Variants in RMND5B observed in about 807,000 individuals in gnomAD.
The protein encoded by RMND5B is E3 ubiquitin-protein transferase RMND5B.
Under a neutral mutation model 50.4 loss-of-function variants are expected in RMND5B, and 42 were observed. The ratio of observed to expected loss-of-function variants is 0.83; its 90% confidence interval spans 0.65 to 1.08. The LOEUF (loss-of-function observed/expected upper bound fraction) is 1.08. Among genes scored for constraint, RMND5B ranks in the 50% least tolerant of loss-of-function variants. RMND5B has a pLI of 0.00. For synonymous variants in RMND5B, 220 were observed against 210.0 expected, an observed-to-expected ratio of 1.05 and a Z score of -0.41; for missense variants, 463 against 508.5, an observed-to-expected ratio of 0.91 and a Z score of 0.86.
intron 2 of RMND5B, among the ~76,000 whole-genome samples, chr5:178,132,972 C>T (rs1190573942): frequency 7.3e-5 from 11 of 151,714 alleles, no homozygotes; most frequent in Non-Finnish European, 1.6e-4. Context: ...TCAAGCAATT[C>T]TCCTGCCTCA....
rs570707782 is a variant in RMND5B at position 178,142,793 on chromosome 5, C to A, written c.286-59C>A. 1.5e-5 allele frequency: 25 copies of A among 1,614,064 alleles called. 1 individual carries two copies. The South Asian group carries it at 2.6e-4, about 17-fold the overall frequency. ...CCTGAAGCTGGGATGTACAAGGACT[C>A]GAAGGAGAGCCAGCAAGAGTGCCCG... On this transcript the variant is annotated intron_variant, in intron 4 of 10. Coordinates refer to ENST00000313386, the MANE Select transcript of RMND5B (RefSeq NM_022762.5).
chr5:178,131,336 G>C lies in RMND5B; in HGVS notation c.-53G>C, dbSNP rs1171939845. The C allele has an allele frequency of 6.6e-6, 1 of 152,198 alleles. No homozygotes were observed. The highest frequency in any genetic ancestry group is 1.5e-5 in the Non-Finnish European group (1 of 68,080). 9.4% of individuals were successfully genotyped at this position (152,198 alleles called of 1,614,324 possible). A position where few individuals can be genotyped will look rare whatever the true frequency, so the allele number is the denominator to read the frequency against. The stretch of plus-strand genomic sequence containing the variant: ...CGGGGGGAGTTGCTCGGACTCAAAC[G>C]TCCAGTCCTCGTGCGACCGCGCTGG... On this transcript the variant is annotated 5_prime_UTR_variant, in exon 2 of 11. Transcript: ENST00000313386.
chr5:178,139,316 G>A (rs995260427), intron 3 of RMND5B, among the ~76,000 whole-genome samples: 2 of 148,700 alleles, frequency 1.3e-5, no homozygotes, highest in African/African-American at 5.0e-5. Flanking sequence ...AGCAATTCTC[G>A]TGCCTCAGCT....
chr5:178,141,290 GGTCAGGA>G (rs1240589752), intron 3 of RMND5B: 1 of 152,080 alleles, frequency 6.6e-6, no homozygotes, highest in East Asian at 1.9e-4. Flanking sequence ...GATCACCTAA[GGTCAGGA>G]GTTCGAGACC....
rs1490274408 is a variant in RMND5B, at chr5:178,137,978, T to C, written c.-12-130T>C. ...CAAAACATAGGTACATATATACATA[T>C]ATGTACAAAACATATAACATTGATA... On this transcript the variant is annotated intron_variant, in intron 2 of 10. Transcript: ENST00000313386. This position sits in a 1 kb window ranked among gnomAD's most constrained non-coding sequence, Gnocchi z 4.4. 6 of 834,252 alleles carry C rather than the reference T, an allele frequency of 7.2e-6. No individual in the cohort carries two copies. In the Admixed American group the frequency reaches 1.2e-4, roughly 17 times the overall value. 51.7% of individuals were successfully genotyped at this position (834,252 alleles called of 1,614,324 possible).
At chr5:178,141,061 C>T (rs1380351847) in intron 3 of RMND5B, among the ~76,000 whole-genome samples, 3 of 152,188 alleles carry the variant, frequency 2.0e-5, no homozygotes, top group Admixed American at 6.5e-5. Flanking sequence ...TATCACTTCA[C>T]ACTCATATTC....
chr5:178,131,202 C>G (rs1055734472), intron 1 of RMND5B, 35 bp from the exon 2 acceptor site: 2 of 152,266 alleles, frequency 1.3e-5, no homozygotes, highest in East Asian at 2.0e-4. Context: ...GACTAAGCCC[C>G]GAACAATCTG....
At chr5:178,143,869 C>T (rs1197007871) in intron 6 of RMND5B, 73 bp from the exon 7 acceptor site, 1 of 1,561,926 alleles carries the variant, frequency 6.4e-7, no homozygotes, top group East Asian at 2.3e-5. Context: ...CTTTTGGGGC[C>T]CTCCTCTCAG....
rs1397139890 is a variant in RMND5B, at chr5:178,149,080, A to G, written c.*1048A>G. 1.3e-5 allele frequency: 2 copies of G among 152,504 alleles called. No homozygotes were observed. Among genetic ancestry groups the G allele is most frequent in the African/African-American group, 2.4e-5 (1 of 41,444 alleles). The allele number at this position is 152,504 out of a possible 1,614,324, so 9.4% of individuals were successfully genotyped here. ...TCGGGGGAATGCATTTTAGCTTCAT[A>G]TTCCTATTTAAAATGTGCTGTGTGG... On this transcript the variant is annotated 3_prime_UTR_variant, in exon 11 of 11. Coordinates refer to ENST00000313386, the MANE Select transcript of RMND5B (RefSeq NM_022762.5).
chr5:178,142,625 T>C lies in RMND5B; in HGVS notation c.182T>C (p.Met61Thr), dbSNP rs1759003286. Reference protein sequence around the residue: ...TPLSATLSLVMSQCCRKIKDT... With the variant: ...TPLSATLSLVTSQCCRKIKDT... ...CTCTCAGCCACCCTCTCTCTGGTGA[T>C]GTCACAGTGCTGCCGGAAGATCAAA... The change falls in exon 4 of 11, where the codon ATG becomes ACG. Residue 61 changes from methionine to threonine, a missense_variant. Coordinates refer to ENST00000313386, the MANE Select transcript of RMND5B (RefSeq NM_022762.5). 6.2e-7 allele frequency: 1 copy of C among 1,614,166 alleles called. No individual in the cohort carries two copies. The highest frequency in any genetic ancestry group is 1.3e-5 in the African/African-American group (1 of 75,066).
chr5:178,143,038 T>C lies in RMND5B; in HGVS notation c.426+46T>C, dbSNP rs781077809. On this transcript the variant is annotated intron_variant, in intron 5 of 10. Coordinates refer to ENST00000313386, the MANE Select transcript of RMND5B (RefSeq NM_022762.5). ...CGCAACAACCTGCCTGCTCTGCCTTTCACCTGCTAGTTTTCACTGTATGAA... is the reference window on the plus strand; with the variant it reads ...CGCAACAACCTGCCTGCTCTGCCTTCCACCTGCTAGTTTTCACTGTATGAA... The C allele has an allele frequency of 3.2e-6, 5 of 1,575,882 alleles. No homozygotes were observed. In the African/African-American group the frequency reaches 6.7e-5, roughly 21 times the overall value.
chr5:178,146,176 T>A lies in RMND5B; in HGVS notation c.757T>A (p.Cys253Ser). The change falls in exon 8 of 11, where the codon TGC (cysteine) becomes AGC (serine). Residue 253 changes from cysteine (C) to serine (S), a missense_variant. Cys to Ser is a moderately radical substitution (Grantham distance 112). Coordinates refer to ENST00000313386, the MANE Select transcript of RMND5B (RefSeq NM_022762.5). ...LRLGLEKSPYCHLLDSSHWAE... is the reference protein window; with the variant it reads ...LRLGLEKSPYSHLLDSSHWAE... ...GCTGGGCTTGGAGAAGTCACCCTAC[T>A]GCCACCTGCTGGACAGCAGCCACTG... 1 of 1,614,178 alleles carries A rather than the reference T, an allele frequency of 6.2e-7. No homozygotes were observed. The highest frequency in any genetic ancestry group is 1.1e-5 in the South Asian group (1 of 91,076).
At chr5:178,131,597 G>A (rs1211784810) in intron 2 of RMND5B, among the ~76,000 whole-genome samples, 3 of 151,402 alleles carry the variant, frequency 2.0e-5, no homozygotes, top group African/African-American at 7.3e-5. Context: ...AAATGGAGGA[G>A]GGCGATATGA....
At chr5:178,145,985 C>A in intron 7 of RMND5B, 129 bp from the exon 8 acceptor site, 2 of 879,888 alleles carry the variant, frequency 2.3e-6, no homozygotes, top group Non-Finnish European at 3.4e-6. Context: ...CATCCCTGCT[C>A]AGTCTCCTCA....
chr5:178,147,262 A>G lies in RMND5B; in HGVS notation c.861-271A>G, dbSNP rs538369975. 1.0e-5 allele frequency: 5 copies of G among 492,264 alleles called. No homozygotes were observed. In the East Asian group the frequency reaches 1.4e-4, roughly 14 times the overall value. The allele number at this position is 492,264 out of a possible 1,614,324, so 30.5% of individuals were successfully genotyped here. ...TCACACCAAGGACTTTTCAGTCATT[A>G]GGATGAGCAGATATCTGCCCCTAGA... On this transcript the variant is annotated intron_variant, in intron 8 of 10. Coordinates refer to ENST00000313386, the MANE Select transcript of RMND5B (RefSeq NM_022762.5).
rs1368726459 is a variant in RMND5B, at chr5:178,144,101, C to T, written c.687C>T (p.His229=). 1 of 1,613,106 alleles carries T rather than the reference C, an allele frequency of 6.2e-7. No homozygotes were observed. Among genetic ancestry groups the T allele is most frequent in the East Asian group, 2.2e-5 (1 of 44,870 alleles). The part of the protein sequence containing the change: ...ARHFQPFARL[H]QREIQVMMGS... ...ACTTCCAGCCCTTTGCTCGGCTGCA[C>T]CAGCGGGGTGAGTGCCCAGGCAGCT... The change falls in exon 7 of 11, where the codon CAC becomes CAT. Residue 229 remains histidine (H), a synonymous_variant. Transcript: ENST00000313386.
chr5:178,139,562 A>G lies in RMND5B; in HGVS notation c.139+1304A>G, dbSNP rs575997634. Among the ~76,000 whole-genome samples the G allele has an allele frequency of 5.9e-4, 34 of 57,834 alleles. 2 individuals carry two copies. In the South Asian group the frequency reaches 0.017, roughly 29 times the overall value. The allele number at this position is 57,834 out of a possible 152,430, so 37.9% of individuals were successfully genotyped here. A position where few individuals can be genotyped will look rare whatever the true frequency, so the allele number is the denominator to read the frequency against. On this transcript the variant is annotated intron_variant, in intron 3 of 10. Transcript: ENST00000313386. ...TCCCAGGAATTTTTTTTTTTTTTTG[A>G]TATAGAGTTTTGCTCTCATTGCCCA...
rs1324650338 is a variant in RMND5B at position 178,131,059 on chromosome 5, G to C, written c.-153+5G>C. ...GGGCCGGGGCTGCGGGGCGAGGTGA[G>C]AGCGGGCGGGCTTGGGAGCCGGCAG... On this transcript the variant is annotated splice_donor_5th_base_variant and intron_variant, in intron 1 of 10. Coordinates refer to ENST00000313386, the MANE Select transcript of RMND5B (RefSeq NM_022762.5). 1 of 151,778 alleles carries C rather than the reference G, an allele frequency of 6.6e-6. No individual in the cohort carries two copies. Among genetic ancestry groups the C allele is most frequent in the Non-Finnish European group, 1.5e-5 (1 of 67,940 alleles). 9.4% of individuals were successfully genotyped at this position (151,778 alleles called of 1,614,324 possible).
intron 2 of RMND5B, among the ~76,000 whole-genome samples, chr5:178,132,749 T>A (rs7718490): frequency 5.2e-5 from 7 of 133,948 alleles, no homozygotes; most frequent in African/African-American, 1.7e-4. Flanking sequence ...TTTTTTTTTT[T>A]TTTTTAAGCA....
Sources: allele counts gnomAD v4.1 joint callset (sites outside exome capture counted in the v4.1 genomes callset), GRCh38; gene constraint gnomAD v4.1.1; non-coding constraint Gnocchi (gnomAD v3.1); transcripts MANE v1.5; gene names NCBI Gene and HGNC (gene_info 2026-07-23, HGNC 2026-07-21).